TJP1: variants seen among roughly 807,000 people sequenced by gnomAD.
TJP1 encodes tight junction protein 1.
A neutral mutation model predicts 194.2 loss-of-function variants in TJP1; 43 were observed. The observed-to-expected ratio is 0.22, with a 90% CI of 0.17 to 0.29. The LOEUF is 0.29. Among genes scored for constraint, TJP1 ranks in the 10% least tolerant of loss-of-function variants. The probability of loss-of-function intolerance (pLI) is 1.00; values close to 1 mark genes in which losing one functional copy is unlikely to be tolerated. For missense variants in TJP1, 1,971 were observed against 2,185.7 expected, an observed-to-expected ratio of 0.90 and a Z score of 1.96; for synonymous variants, 801 against 779.0, an observed-to-expected ratio of 1.03 and a Z score of -0.47.
intron 2 of TJP1, among the ~76,000 whole-genome samples, chr15:29,797,041 A>G (rs1463927238): frequency 1.3e-5 from 2 of 152,226 alleles, no homozygotes; most frequent in Non-Finnish European, 2.9e-5. Context: ...AAAGGAAAAC[A>G]GAGGAAAAAT....
At chr15:29,752,360 T>G (rs1376718199) in intron 8 of TJP1, among the ~76,000 whole-genome samples, 1 of 152,172 alleles carries the variant, frequency 6.6e-6, no homozygotes, top group Non-Finnish European at 1.5e-5. Context: ...CACCTTGGCC[T>G]CCCAAAGTGC....
At chr15:29,867,087 T>C (rs1010043697) in intron 2 of TJP1, among the ~76,000 whole-genome samples, 2 of 152,210 alleles carry the variant, frequency 1.3e-5, no homozygotes, top group African/African-American at 4.8e-5. Context: ...CTTAAGACAT[T>C]TATTTCAGAC....
Position 29,704,178 on chromosome 15 carries a change from T to A in TJP1, c.5196A>T (p.Ser1732=). ...TPDGWSFALK[S]SDSSSGDPKT... ...ACAGCATACCCGACGAGGAGTCGGA[T>A]GATTTTAGAGCAAAAGACCAACCGT... The change falls in exon 27 of 28, where the codon TCA becomes TCT. Residue 1732 remains serine (S), a synonymous_variant. Coordinates refer to ENST00000614355, the MANE Select transcript of TJP1 (RefSeq NM_001330239.4). The A allele has an allele frequency of 6.4e-7, 1 of 1,564,640 alleles. No homozygotes were observed. Among genetic ancestry groups the A allele is most frequent in the Non-Finnish European group, 8.7e-7 (1 of 1,153,374 alleles).
At position 29,734,360 on chromosome 15, in the gene TJP1, T is replaced by G. The variant is rs778744800; in HGVS notation, c.1430A>C (p.Asn477Thr). 1 of 1,612,506 alleles carries G rather than the reference T, an allele frequency of 6.2e-7. No individual in the cohort carries two copies. Among genetic ancestry groups the G allele is most frequent in the African/African-American group, 1.3e-5 (1 of 74,830 alleles). Residue 477 changes from asparagine (N) to threonine (T), a missense_variant, in exon 12 of 28, where the codon AAT becomes ACT. Physicochemically the swap from Asn to Thr is moderately conservative, Grantham distance 65. Coordinates refer to ENST00000614355, the MANE Select transcript of TJP1 (RefSeq NM_001330239.4). ...AAGGACGGCTTCTTCTCTTATGATA[T>G]TTGTAAAATCTACGTTGTTTACCTA... ...ILRVNNVDFT[N>T]IIREEAVLFL...
chr15:29,929,552 C>T (rs915814927), intron 2 of TJP1, among the ~76,000 whole-genome samples: 2 of 151,982 alleles, frequency 1.3e-5, no homozygotes, highest in Non-Finnish European at 2.9e-5. Flanking sequence ...CAAAAGTTAG[C>T]TGGGTGTGGC....
chr15:29,843,065 T>C (rs2051283456), intron 2 of TJP1, among the ~76,000 whole-genome samples: 1 of 152,200 alleles, frequency 6.6e-6, no homozygotes, highest in Non-Finnish European at 1.5e-5. Context: ...AAAATATGAG[T>C]AAAAATGCTC....
intron 2 of TJP1, among the ~76,000 whole-genome samples, chr15:29,890,198 G>T (rs752255841): frequency 6.6e-6 from 1 of 152,178 alleles, no homozygotes; most frequent in Admixed American, 6.5e-5. Flanking sequence ...GGGAGGGGAC[G>T]GGGTGGGATC....
chr15:29,885,504 T>C (rs1034473897), intron 2 of TJP1, among the ~76,000 whole-genome samples: 2 of 152,360 alleles, frequency 1.3e-5, no homozygotes, highest in Non-Finnish European at 2.9e-5. Context: ...TCCCCAACCA[T>C]GCTTGGGCTA....
At chr15:29,831,266 A>G (rs903359759) in intron 2 of TJP1, among the ~76,000 whole-genome samples, 6 of 152,264 alleles carry the variant, frequency 3.9e-5, no homozygotes, top group Non-Finnish European at 8.8e-5. Context: ...GAAAATCATC[A>G]TCCTGTACTA....
intron 2 of TJP1, among the ~76,000 whole-genome samples, chr15:29,906,446 C>T (rs542275863): frequency 4.4e-4 from 62 of 140,616 alleles, no homozygotes; most frequent in Non-Finnish European, 8.7e-4. Context: ...CCAGCCTGGG[C>T]GATAGAGCGA....
intron 1 of TJP1, among the ~76,000 whole-genome samples, chr15:29,818,295 C>T (rs1218472759): frequency 6.6e-6 from 1 of 152,228 alleles, no homozygotes; most frequent in African/African-American, 2.4e-5. Context: ...AAACTTCCTT[C>T]AGCCACTTTT....
chr15:29,811,642 T>C (rs1292146952), intron 1 of TJP1, among the ~76,000 whole-genome samples: 2 of 152,198 alleles, frequency 1.3e-5, no homozygotes, highest in Non-Finnish European at 2.9e-5. Flanking sequence ...AAGGACTGTA[T>C]CTCTTATCTA....
At chr15:29,909,729 C>T (rs2053955724) in intron 2 of TJP1, among the ~76,000 whole-genome samples, 1 of 152,000 alleles carries the variant, frequency 6.6e-6, no homozygotes, top group Non-Finnish European at 1.5e-5. Flanking sequence ...CATGCTCACA[C>T]AGGATTTTGA....
chr15:29,802,089 C>T (rs1280420977), intron 1 of TJP1, among the ~76,000 whole-genome samples: 1 of 151,940 alleles, frequency 6.6e-6, no homozygotes, highest in African/African-American at 2.4e-5. Flanking sequence ...CTTAATGTTA[C>T]CATTTTATGA....
chr15:29,966,781 A>C (rs1410468668), intron 1 of TJP1, among the ~76,000 whole-genome samples: 1 of 152,204 alleles, frequency 6.6e-6, no homozygotes, highest in East Asian at 1.9e-4. Context: ...TGTGTTAGTT[A>C]TTGATAAGGG....
At chr15:29,828,492 G>A (rs1166359650) in intron 2 of TJP1, among the ~76,000 whole-genome samples, 1 of 151,948 alleles carries the variant, frequency 6.6e-6, no homozygotes, top group Non-Finnish European at 1.5e-5. Flanking sequence ...TAAAGAATAT[G>A]CTTACTTAAA....
At chr15:29,840,504 C>T (rs2051184837) in intron 2 of TJP1, among the ~76,000 whole-genome samples, 1 of 152,134 alleles carries the variant, frequency 6.6e-6, no homozygotes, top group Non-Finnish European at 1.5e-5. Context: ...AAGACAGGCT[C>T]GGCAGACTTT....
In TJP1 at chr15:29,733,181, T is replaced by G. The variant is rs2043785520; in HGVS notation, c.1649A>C (p.Tyr550Ser). ...AAGCCAAGAGCCCAGTTTTCCATTGTACAAGGTATCCACAACACGGAACAC... is the reference window on the plus strand; with the variant it reads ...AAGCCAAGAGCCCAGTTTTCCATTGGACAAGGTATCCACAACACGGAACAC... ...GEVFRVVDTL[Y>S]NGKLGSWLAI... The change falls in exon 13 of 28, where the codon TAC becomes TCC. Residue 550 changes from tyrosine to serine, a missense_variant. Tyr to Ser is a moderately radical substitution (Grantham distance 144). Transcript: ENST00000614355. 6.2e-7 allele frequency: 1 copy of G among 1,614,044 alleles called. No homozygotes were observed. Among genetic ancestry groups the G allele is most frequent in the South Asian group, 1.1e-5 (1 of 91,090 alleles).
At chr15:29,889,884 C>T (rs1036054965) in intron 2 of TJP1, among the ~76,000 whole-genome samples, 1 of 152,200 alleles carries the variant, frequency 6.6e-6, no homozygotes, top group Admixed American at 6.5e-5. Context: ...CTTTGGTAAA[C>T]GACTTCACTA....
Sources: allele counts gnomAD v4.1 joint callset (sites outside exome capture counted in the v4.1 genomes callset), GRCh38; gene constraint gnomAD v4.1.1; transcripts MANE v1.5; gene names NCBI Gene and HGNC (gene_info 2026-07-23, HGNC 2026-07-21).